The following TMTC2 variants were observed in gnomAD, a reference collection of about 807,000 sequenced individuals.
The protein encoded by TMTC2 is protein O-mannosyl-transferase TMTC2.
Under a neutral mutation model 82.4 loss-of-function variants are expected in TMTC2, and 43 were observed. The observed-to-expected ratio is 0.52, with a 90% CI of 0.41 to 0.67. The LOEUF (loss-of-function observed/expected upper bound fraction) is 0.67. Ranked by LOEUF, TMTC2 falls within the 30% of genes least tolerant of loss-of-function variation. The probability of loss-of-function intolerance (pLI) is 0.00; values close to 1 mark genes in which losing one functional copy is unlikely to be tolerated. For missense variants in TMTC2, 919 were observed against 1,012.4 expected (o/e 0.91, Z 1.25); for synonymous variants, 408 against 381.9 (o/e 1.07, Z -0.80).
At chr12:82,923,584 C>T (rs1754627716) in intron 3 of TMTC2, among the ~76,000 whole-genome samples, 1 of 152,032 alleles carries the variant, frequency 6.6e-6, no homozygotes, top group Non-Finnish European at 1.5e-5. Flanking sequence ...TATTCTTCTA[C>T]ATATTCTTCT....
intron 1 of TMTC2, among the ~76,000 whole-genome samples, chr12:82,855,162 A>G (rs763314629): frequency 6.6e-6 from 1 of 152,222 alleles, no homozygotes; most frequent in Non-Finnish European, 1.5e-5. Context: ...CAATCTAGAG[A>G]AGCAGTTGAA....
In TMTC2 at chr12:82,937,701, GGT is replaced by G. The variant is rs146657948; in HGVS notation, c.1598+7182_1598+7183del. ...GCTAACATTTTGAACAAATGTCAAT[GGT>G]GTGTGTGTGTGTGTGTGTGTGTGTG... On this transcript the variant is annotated intron_variant, in intron 4 of 11. Coordinates refer to ENST00000321196, the MANE Select transcript of TMTC2 (RefSeq NM_152588.3). 8.0e-3 allele frequency among the ~76,000 whole-genome samples: 584 copies of G among 73,232 alleles called. 7 individuals are homozygous for G. Among genetic ancestry groups the G allele is most frequent in the African/African-American group, 0.025 (508 of 20,160 alleles). The allele number at this position is 73,232 out of a possible 152,430, so 48.0% of individuals were successfully genotyped here. A position where few individuals can be genotyped will look rare whatever the true frequency, so the allele number is the denominator to read the frequency against.
chr12:82,908,425 T>G (rs150781046), intron 3 of TMTC2, among the ~76,000 whole-genome samples: 296 of 152,256 alleles, frequency 1.9e-3, no homozygotes, highest in African/African-American at 6.7e-3. Context: ...AGAACTATTT[T>G]ATGAATTAAT....
At chr12:82,835,145 G>A (rs1042725686) in intron 1 of TMTC2, among the ~76,000 whole-genome samples, 11 of 152,124 alleles carry the variant, frequency 7.2e-5, no homozygotes, top group African/African-American at 2.7e-4. Flanking sequence ...TTACAGGCAT[G>A]AGCCACCACA....
chr12:82,954,172 T>C (rs1877491217), intron 4 of TMTC2, among the ~76,000 whole-genome samples: 1 of 152,212 alleles, frequency 6.6e-6, no homozygotes, highest in African/African-American at 2.4e-5. Flanking sequence ...TTATTATTGC[T>C]ATTGTTAGGT....
chr12:82,805,795 G>A (rs887951652), intron 1 of TMTC2, among the ~76,000 whole-genome samples: 14 of 152,016 alleles, frequency 9.2e-5, no homozygotes, highest in South Asian at 2.1e-4. Flanking sequence ...ATGAGCCATC[G>A]CACCCAGCTG....
chr12:83,127,190 G>T (rs1214371659), intron 11 of TMTC2, among the ~76,000 whole-genome samples: 5 of 152,102 alleles, frequency 3.3e-5, no homozygotes, highest in Non-Finnish European at 7.4e-5. Context: ...CCAAAGATGT[G>T]TTGTGTATTA....
At chr12:83,116,011 C>T (rs1046752390) in intron 11 of TMTC2, among the ~76,000 whole-genome samples, 1 of 152,160 alleles carries the variant, frequency 6.6e-6, no homozygotes, top group African/African-American at 2.4e-5. Context: ...TGATCTCAAA[C>T]TCCTGACCTC....
At chr12:83,021,878 A>T (rs936210455) in intron 8 of TMTC2, 10 of 152,098 alleles carry the variant, frequency 6.6e-5, no homozygotes, top group African/African-American at 2.4e-4. Context: ...TTCCTCTTCA[A>T]AAGACACTCC....
At chr12:82,835,106 C>A (rs980623957) in intron 1 of TMTC2, among the ~76,000 whole-genome samples, 2 of 152,082 alleles carry the variant, frequency 1.3e-5, no homozygotes, top group Non-Finnish European at 2.9e-5. Context: ...AGATTGATTC[C>A]CTCACCTTGG....
intron 4 of TMTC2, among the ~76,000 whole-genome samples, chr12:82,962,460 T>C (rs1399505149): frequency 6.6e-6 from 1 of 151,924 alleles, no homozygotes; most frequent in Non-Finnish European, 1.5e-5. Context: ...TAAGAATAGG[T>C]GGGCTTAGTA....
chr12:82,876,097 ATGGTGGTGGTGG>A (rs3068166), intron 2 of TMTC2, among the ~76,000 whole-genome samples: 3 of 113,294 alleles, frequency 2.6e-5, no homozygotes, highest in Admixed American at 8.4e-5. Flanking sequence ...AGTATTCATA[ATGGTGGTGGTGG>A]TGGTGGTGGT....
chr12:82,840,189 C>G (rs1870258310), intron 1 of TMTC2, among the ~76,000 whole-genome samples: 1 of 152,166 alleles, frequency 6.6e-6, no homozygotes, highest in Admixed American at 6.5e-5. Context: ...TGGAGTTAAC[C>G]TAGTTACCTT....
chr12:83,005,525 G>A (rs555689968), intron 8 of TMTC2, among the ~76,000 whole-genome samples: 1 of 152,076 alleles, frequency 6.6e-6, no homozygotes, highest in East Asian at 1.9e-4. Context: ...TTGAACCCCC[G>A]CTTCACTCTT....
At position 82,786,038 on chromosome 12, in the gene TMTC2, T is replaced by G. The variant is rs551633003; in HGVS notation, c.84-70972T>G. ...AGTCTTTTAAGTGTTTTTCATTGCCTGTCGAACAATACAGAAGGTTAACTG... is the reference window on the plus strand; with the variant it reads ...AGTCTTTTAAGTGTTTTTCATTGCCGGTCGAACAATACAGAAGGTTAACTG... On this transcript the variant is annotated intron_variant, in intron 1 of 11. Coordinates refer to ENST00000321196, the MANE Select transcript of TMTC2 (RefSeq NM_152588.3). Among the ~76,000 whole-genome samples the G allele has an allele frequency of 2.6e-5, 4 of 152,232 alleles. No individual in the cohort carries two copies. In the South Asian group the frequency reaches 8.3e-4, roughly 32 times the overall value.
intron 9 of TMTC2, among the ~76,000 whole-genome samples, chr12:83,046,790 A>G (rs1882155836): frequency 6.6e-6 from 1 of 150,852 alleles, no homozygotes; most frequent in African/African-American, 2.4e-5. Flanking sequence ...AGTGATGAAG[A>G]TGAGAGGACC....
chr12:82,965,833 T>TG, intron 6 of TMTC2, 89 bp downstream of exon 6: 1 of 1,461,542 alleles, frequency 6.8e-7, no homozygotes, highest in Non-Finnish European at 9.5e-7. Context: ...TTTGAGCCTA[T>TG]GTCCTTTGAA....
At chr12:82,867,991 CG>C (rs1565785084) in intron 2 of TMTC2, among the ~76,000 whole-genome samples, 2 of 152,184 alleles carry the variant, frequency 1.3e-5, no homozygotes, top group Non-Finnish European at 2.9e-5. Flanking sequence ...AATAGAAACT[CG>C]GTCATTTTCT....
chr12:82,959,033 A>G (rs187942674), intron 4 of TMTC2, among the ~76,000 whole-genome samples: 1 of 152,280 alleles, frequency 6.6e-6, no homozygotes, highest in Admixed American at 6.5e-5. Context: ...TACATGAATA[A>G]TATTCAAGCT....
Sources: allele counts gnomAD v4.1 joint callset (sites outside exome capture counted in the v4.1 genomes callset), GRCh38; gene constraint gnomAD v4.1.1; transcripts MANE v1.5; gene names NCBI Gene and HGNC (gene_info 2026-07-23, HGNC 2026-07-21).